SUGCT: variants seen among roughly 807,000 people sequenced by gnomAD.
SUGCT encodes succinyl-CoA:glutarate-CoA transferase, also known as succinyl-CoA:glutarate CoA-transferase.
In SUGCT, 41 loss-of-function variants were observed where a neutral mutation model predicts 55.0. The ratio of observed to expected loss-of-function variants is 0.74; its 90% CI spans 0.58 to 0.97. The LOEUF is 0.97. Among genes scored for constraint, SUGCT ranks in the 50% least tolerant of loss-of-function variants. The pLI is 0.00. For synonymous variants in SUGCT, 187 were observed against 200.4 expected, an observed-to-expected ratio of 0.93 and a Z score of 0.56; for missense variants, 568 against 547.8, an observed-to-expected ratio of 1.04 and a Z score of -0.37.
chr7:40,713,180 G>A (rs1469006722), intron 12 of SUGCT, among the ~76,000 whole-genome samples: 2 of 152,196 alleles, frequency 1.3e-5, no homozygotes, highest in African/African-American at 4.8e-5. Flanking sequence ...GACAGGAGAA[G>A]CCTCCCCTGA....
At chr7:41,010,753 C>T in the SUGCT span, among the ~76,000 whole-genome samples, 1 of 152,038 alleles carries the variant, frequency 6.6e-6, no homozygotes, top group African/African-American at 2.4e-5. Context: ...GCTGTAATCA[C>T]CCATTTTGGA....
Position 40,206,834 on chromosome 7 carries a change from A to G in SUGCT, c.484+11774A>G, listed in dbSNP as rs74677073. ...TGCAAGTTTTTTCCTAATATTTTCA[A>G]TTTGTGGATTGGTTGAATCCATGGA... is the stretch of plus-strand genomic sequence containing the variant. On this transcript the variant is annotated intron_variant, in intron 6 of 13. Transcript: ENST00000335693. Among the ~76,000 whole-genome samples, 1,077 of 152,274 alleles carry G rather than the reference A, an allele frequency of 7.1e-3. 40 individuals are homozygous for G. The highest frequency in any genetic ancestry group is 0.061 in the Admixed American group (927 of 15,288).
chr7:40,488,396 A>G (rs981698215), intron 11 of SUGCT, among the ~76,000 whole-genome samples: 12 of 152,122 alleles, frequency 7.9e-5, no homozygotes, highest in Admixed American at 4.6e-4. Context: ...TGAATTTTTG[A>G]TGTCACAACA....
At chr7:40,874,607 T>C in the SUGCT span, among the ~76,000 whole-genome samples, 85 of 152,308 alleles carry the variant, frequency 5.6e-4, no homozygotes, top group Non-Finnish European at 9.0e-4. Flanking sequence ...GTAGCACTGA[T>C]ATGAGCACGT....
chr7:40,506,425 C>T (rs1020335508), intron 12 of SUGCT, among the ~76,000 whole-genome samples: 6 of 152,078 alleles, frequency 3.9e-5, no homozygotes, highest in East Asian at 1.9e-4. Context: ...TGTTCAAGGA[C>T]GAAAGATTTC....
At chr7:40,949,522 T>C in the SUGCT span, among the ~76,000 whole-genome samples, 1 of 152,194 alleles carries the variant, frequency 6.6e-6, no homozygotes, top group Non-Finnish European at 1.5e-5. Flanking sequence ...AGTCGTGAAG[T>C]CTTTGCCCAT....
intron 12 of SUGCT, among the ~76,000 whole-genome samples, chr7:40,718,376 T>G (rs1051212232): frequency 1.3e-5 from 2 of 152,190 alleles, no homozygotes; most frequent in Non-Finnish European, 2.9e-5. Flanking sequence ...TAACATCTGT[T>G]TTTCATGTTG....
At chr7:40,802,162 A>G (rs1261910488) in intron 13 of SUGCT, among the ~76,000 whole-genome samples, 1 of 152,204 alleles carries the variant, frequency 6.6e-6, no homozygotes, top group East Asian at 1.9e-4. Context: ...TGGGAACATT[A>G]TGGAAGCCTC....
intron 12 of SUGCT, among the ~76,000 whole-genome samples, chr7:40,632,287 G>A (rs1450512487): frequency 1.3e-5 from 2 of 151,926 alleles, no homozygotes; most frequent in African/African-American, 2.4e-5. Flanking sequence ...GCCTTTTGCT[G>A]GAAAGTAAGA....
intron 12 of SUGCT, among the ~76,000 whole-genome samples, chr7:40,694,415 G>A (rs1351043880): frequency 6.6e-6 from 1 of 152,202 alleles, no homozygotes; most frequent in African/African-American, 2.4e-5. Context: ...TAATGAGCTG[G>A]CCCTTAGCTT....
intron 1 of SUGCT, among the ~76,000 whole-genome samples, chr7:40,179,046 G>T (rs1180036576): frequency 6.6e-6 from 1 of 152,052 alleles, no homozygotes; most frequent in Non-Finnish European, 1.5e-5. Flanking sequence ...CAACAAGCAG[G>T]ATTTTGTGAG....
At chr7:40,565,646 G>A (rs982472273) in intron 12 of SUGCT, among the ~76,000 whole-genome samples, 2 of 152,090 alleles carry the variant, frequency 1.3e-5, no homozygotes, top group Non-Finnish European at 2.9e-5. Context: ...TTTCCATCAT[G>A]ATGAGCGTGA....
chr7:40,406,815 TG>T (rs1388591267), intron 9 of SUGCT, among the ~76,000 whole-genome samples: 1 of 152,220 alleles, frequency 6.6e-6, no homozygotes, highest in Non-Finnish European at 1.5e-5. Flanking sequence ...CAAAGTATAC[TG>T]GTTTTTTAGG....
chr7:40,933,453 G>C, the SUGCT span, among the ~76,000 whole-genome samples: 9 of 152,114 alleles, frequency 5.9e-5, no homozygotes, highest in Admixed American at 2.0e-4. Context: ...GGCATTCTCT[G>C]TATTTCCTGA....
intron 13 of SUGCT, among the ~76,000 whole-genome samples, chr7:40,772,621 A>ATCTC (rs1301360756): frequency 6.9e-6 from 1 of 145,978 alleles, no homozygotes; most frequent in Non-Finnish European, 1.5e-5. Context: ...CTATCTATCT[A>ATCTC]TCTATCTATC....
At chr7:40,490,519 GTTC>G (rs1253434643) in intron 11 of SUGCT, among the ~76,000 whole-genome samples, 2 of 152,120 alleles carry the variant, frequency 1.3e-5, no homozygotes, top group African/African-American at 4.8e-5. Flanking sequence ...CCAGAGAATT[GTTC>G]TTCTTACCAT....
At chr7:40,526,572 G>A (rs1231170876) in intron 12 of SUGCT, among the ~76,000 whole-genome samples, 1 of 152,164 alleles carries the variant, frequency 6.6e-6, no homozygotes, top group Non-Finnish European at 1.5e-5. Context: ...TCCCAGTGAC[G>A]TTGATGCTGC....
chr7:40,385,226 G>T (rs948263116), intron 9 of SUGCT, among the ~76,000 whole-genome samples: 1 of 152,156 alleles, frequency 6.6e-6, no homozygotes, highest in African/African-American at 2.4e-5. Context: ...AGAAAAGGAG[G>T]ATTCGTGGGT....
chr7:40,439,109 T>TGG (rs1788357137), intron 9 of SUGCT, among the ~76,000 whole-genome samples: 1 of 127,992 alleles, frequency 7.8e-6, no homozygotes, highest in Admixed American at 8.1e-5. Flanking sequence ...TATATATATA[T>TGG]ATGGATAGAG....
Sources: gnomAD v4.1 joint callset for allele counts (sites outside exome capture counted in the v4.1 genomes callset) on GRCh38, gnomAD v4.1.1 for gene constraint, MANE v1.5 for transcripts, NCBI Gene and HGNC (gene_info 2026-07-23, HGNC 2026-07-21) for gene names.